Variants in ARHGEF4 observed in about 807,000 individuals in gnomAD.
ARHGEF4 encodes the protein Rho guanine nucleotide exchange factor 4.
ARHGEF4 carries 119 observed loss-of-function variants against 162.0 expected under a neutral mutation model. The ratio of observed to expected loss-of-function variants is 0.73; its 90% CI spans 0.63 to 0.86. The LOEUF (loss-of-function observed/expected upper bound fraction) is 0.86. Among genes scored for constraint, ARHGEF4 ranks in the 40% least tolerant of loss-of-function variants. The pLI, the probability that ARHGEF4 is intolerant of heterozygous loss-of-function variation, is 0.00. For missense variants in ARHGEF4, 2,488 were observed against 2,456.0 expected (o/e 1.01, Z -0.28); for synonymous variants, 1,014 against 979.9 (o/e 1.03, Z -0.65).
chr2:131,023,505 A>T (rs2105358964), intron 4 of ARHGEF4, among the ~76,000 whole-genome samples: 1 of 152,230 alleles, frequency 6.6e-6, no homozygotes, highest in East Asian at 1.9e-4. Context: ...ACATGAAAAG[A>T]TGTTCAACAT....
intron 2 of ARHGEF4, among the ~76,000 whole-genome samples, chr2:130,919,642 G>A (rs976799214): frequency 4.6e-5 from 7 of 152,140 alleles, no homozygotes; most frequent in African/African-American, 1.7e-4. Context: ...TTGGGAGGCC[G>A]AAGCGGGCGG....
Position 130,917,270 on chromosome 2 carries a change from C to A in ARHGEF4, c.3324C>A (p.Tyr1108Ter), listed in dbSNP as rs1342838918. 3 of 1,550,516 alleles carry A rather than the reference C, an allele frequency of 1.9e-6. No individual in the cohort carries two copies. The highest frequency in any genetic ancestry group is 2.4e-5 in the East Asian group (1 of 40,882). The change falls in exon 2 of 14, where the codon TAC (tyrosine) becomes TAA (stop). Residue 1108 changes from tyrosine (Y) to a stop codon, truncating the protein, a stop_gained. Transcript: ENST00000409359. LOFTEE classifies it high-confidence loss of function. Reference sequence around the variant, plus strand: ...GTGCTCAGCGGATGGGTCTCCACTACCCCGGGAGGGGTAGCGCCATCTCCA... The same window carrying A: ...GTGCTCAGCGGATGGGTCTCCACTAACCCGGGAGGGGTAGCGCCATCTCCA... The part of the protein sequence containing the change: ...RPSAQRMGLH[Y>*]PGRGSAISMV...
chr2:131,035,455 C>A, intron 5 of ARHGEF4: 1 of 266,046 alleles, frequency 3.8e-6, no homozygotes, highest in Non-Finnish European at 5.8e-6. Context: ...TCACAGGGTC[C>A]TTCTGTCCTC....
At chr2:130,940,661 T>C (rs1006785782) in intron 3 of ARHGEF4, among the ~76,000 whole-genome samples, 1 of 147,626 alleles carries the variant, frequency 6.8e-6, no homozygotes, top group Admixed American at 6.8e-5. Flanking sequence ...ACCCCGTCTC[T>C]ACTAAAAATA....
chr2:130,971,024 C>G (rs999665483), intron 4 of ARHGEF4, among the ~76,000 whole-genome samples: 2 of 152,082 alleles, frequency 1.3e-5, no homozygotes, highest in Non-Finnish European at 2.9e-5. Context: ...ATGTTTGTTT[C>G]CTTCTAGAAG....
chr2:130,893,232 G>A (rs192185473), intron 1 of ARHGEF4, among the ~76,000 whole-genome samples: 14 of 152,178 alleles, frequency 9.2e-5, no homozygotes, highest in African/African-American at 2.6e-4. Flanking sequence ...TCAGTTCCCC[G>A]CCTCCCTGTC....
intron 1 of ARHGEF4, among the ~76,000 whole-genome samples, chr2:130,853,200 T>C (rs1301412978): frequency 6.6e-6 from 1 of 152,188 alleles, no homozygotes; most frequent in African/African-American, 2.4e-5. Flanking sequence ...ATCTGCATGA[T>C]GATTCACAGT....
At chr2:130,963,675 G>A (rs1343227357) in intron 4 of ARHGEF4, 1 of 146,182 alleles carries the variant, frequency 6.8e-6, no homozygotes, top group African/African-American at 2.5e-5. Context: ...GCGTGAGCGC[G>A]TGCCGACCGG....
chr2:130,904,783 A>T (rs11898518), intron 1 of ARHGEF4, among the ~76,000 whole-genome samples: 2,966 of 38,466 alleles, frequency 0.077, 79 homozygotes, highest in African/African-American at 0.11. Flanking sequence ...TTTTCACTAT[A>T]AAAAAAAAAC....
intron 4 of ARHGEF4, among the ~76,000 whole-genome samples, chr2:130,984,728 TC>T (rs1288778291): frequency 6.6e-6 from 1 of 151,648 alleles, no homozygotes; most frequent in Non-Finnish European, 1.5e-5. Context: ...AATTCTAATT[TC>T]CCATGACTAT....
intron 1 of ARHGEF4, among the ~76,000 whole-genome samples, chr2:130,913,540 C>G (rs1681318425): frequency 6.6e-6 from 1 of 152,034 alleles, no homozygotes; most frequent in South Asian, 2.1e-4. Context: ...TTGTTTTGCT[C>G]TAGCAAACCA....
chr2:131,012,401 A>C (rs953012560), intron 4 of ARHGEF4, among the ~76,000 whole-genome samples: 12 of 152,178 alleles, frequency 7.9e-5, no homozygotes, highest in South Asian at 6.2e-4. Context: ...TACAATGACT[A>C]CAGTGCAGAA....
chr2:130,952,341 G>C (rs1011478917), intron 4 of ARHGEF4, among the ~76,000 whole-genome samples: 3 of 152,014 alleles, frequency 2.0e-5, no homozygotes, highest in African/African-American at 7.2e-5. Flanking sequence ...CTTTTTAGCA[G>C]GCCTTTGACA....
chr2:130,940,681 A>G (rs1291676618), intron 3 of ARHGEF4, among the ~76,000 whole-genome samples: 3 of 149,488 alleles, frequency 2.0e-5, no homozygotes, highest in Non-Finnish European at 3.0e-5. Context: ...AAAAAAAAAA[A>G]TTAGCCGGGC....
At chr2:130,941,868 C>T (rs1683323494) in intron 3 of ARHGEF4, among the ~76,000 whole-genome samples, 1 of 151,978 alleles carries the variant, frequency 6.6e-6, no homozygotes, top group Non-Finnish European at 1.5e-5. Flanking sequence ...CAGTTCAAAC[C>T]CATGTTGTTC....
In ARHGEF4 at chr2:130,930,824, C is replaced by T. The variant is rs960624369; in HGVS notation, c.3553-128C>T. The T allele has an allele frequency of 1.5e-4, 125 of 821,330 alleles. No individual in the cohort carries two copies. The East Asian group carries it at 3.3e-3, about 21-fold the overall frequency. 50.9% of individuals were successfully genotyped at this position (821,330 alleles called of 1,614,324 possible). A position where few individuals can be genotyped will look rare whatever the true frequency, so the allele number is the denominator to read the frequency against. ...TGTGAACAAAGTATTTCACTGGACT[C>T]TGTACTTTGAAAATTAACCAAAACA... On this transcript the variant is annotated intron_variant, in intron 2 of 13. Coordinates refer to ENST00000409359, the MANE Select transcript of ARHGEF4 (RefSeq NM_001367493.1).
chr2:131,029,591 C>T (rs937595677), intron 5 of ARHGEF4, among the ~76,000 whole-genome samples: 6 of 147,580 alleles, frequency 4.1e-5, no homozygotes, highest in African/African-American at 1.0e-4. Flanking sequence ...ACTCTTGTCG[C>T]CCAGGCTGGA....
intron 4 of ARHGEF4, among the ~76,000 whole-genome samples, chr2:130,975,762 C>A (rs1337781468): frequency 6.6e-6 from 1 of 152,174 alleles, no homozygotes; most frequent in Admixed American, 6.5e-5. Flanking sequence ...TAAAACAAAT[C>A]CCTGGCACAT....
chr2:131,041,786 A>G, intron 9 of ARHGEF4, 29 bp from the exon 10 acceptor site: 1 of 1,607,140 alleles, frequency 6.2e-7, no homozygotes, highest in Non-Finnish European at 8.5e-7. Context: ...TCCAGCCTGC[A>G]GCAGCCTTCC....
Sources: gnomAD v4.1 joint callset for allele counts (sites outside exome capture counted in the v4.1 genomes callset) on GRCh38, gnomAD v4.1.1 for gene constraint, MANE v1.5 for transcripts, NCBI Gene and HGNC (gene_info 2026-07-23, HGNC 2026-07-21) for gene names.